Variants in GRIP2 observed in about 807,000 individuals in gnomAD.
GRIP2 encodes glutamate receptor-interacting protein 2.
Under a neutral mutation model 108.3 loss-of-function variants are expected in GRIP2, and 58 were observed. That is an observed-to-expected ratio of 0.54 (90% CI 0.43 to 0.67). The LOEUF (loss-of-function observed/expected upper bound fraction) is 0.67, where lower values mean the gene tolerates loss of function less well. Among genes scored for constraint, GRIP2 ranks in the 30% least tolerant of loss-of-function variants. GRIP2 has a pLI of 0.00. For synonymous variants in GRIP2, 586 were observed against 598.2 expected, an observed-to-expected ratio of 0.98 and a Z score of 0.30; for missense variants, 1,278 against 1,430.6, an observed-to-expected ratio of 0.89 and a Z score of 1.72.
At chr3:14,542,886 G>A (rs540338608), upstream of GRIP2, among the ~76,000 whole-genome samples, 8 of 152,294 alleles carry the variant, frequency 5.3e-5, no homozygotes, top group Admixed American at 2.0e-4. Flanking sequence ...TGGTAAGGAT[G>A]GAGCCAAGTT....
At chr3:14,566,957 T>A in the GRIP2 span, among the ~76,000 whole-genome samples, 70 of 152,302 alleles carry the variant, frequency 4.6e-4, no homozygotes, top group African/African-American at 1.7e-3. Context: ...CCTCCAATAA[T>A]CTGTGAAATG....
At chr3:14,596,931 C>G in the GRIP2 span, among the ~76,000 whole-genome samples, 2 of 152,134 alleles carry the variant, frequency 1.3e-5, no homozygotes, top group African/African-American at 4.8e-5. Flanking sequence ...TTTGTAGAAA[C>G]AAGGTCTTGC....
chr3:14,560,316 A>T (rs1695299783), upstream of GRIP2, among the ~76,000 whole-genome samples: 1 of 152,174 alleles, frequency 6.6e-6, no homozygotes, highest in Non-Finnish European at 1.5e-5. Context: ...TATACAGTCA[A>T]TATGCTTCTC....
upstream of GRIP2, among the ~76,000 whole-genome samples, chr3:14,559,396 A>G (rs1695284816): frequency 6.6e-6 from 1 of 150,562 alleles, no homozygotes; most frequent in African/African-American, 2.4e-5. Flanking sequence ...CTGGTAAATT[A>G]GGAGTGCAGG....
intron 11 of GRIP2, among the ~76,000 whole-genome samples, chr3:14,514,829 T>A (rs900932815): frequency 6.6e-6 from 1 of 152,210 alleles, no homozygotes; most frequent in Non-Finnish European, 1.5e-5. Context: ...TGCTTTTCGG[T>A]AAGAGGTTTA....
chr3:14,515,330 CAT>C (rs556650612), intron 11 of GRIP2, among the ~76,000 whole-genome samples: 8 of 152,316 alleles, frequency 5.3e-5, no homozygotes, highest in Admixed American at 5.2e-4. Context: ...GGAGATGACA[CAT>C]GTTTTCACTT....
At chr3:14,532,871 TTGC>T (rs1694746566) in intron 1 of GRIP2, among the ~76,000 whole-genome samples, 1 of 152,220 alleles carries the variant, frequency 6.6e-6, no homozygotes, top group African/African-American at 2.4e-5. Context: ...TGAGTCAGTG[TTGC>T]TGGTCAACTT....
In GRIP2 at chr3:14,501,766, G is replaced by T. The variant is rs183558730; in HGVS notation, c.2679+1800C>A. 7.2e-5 allele frequency among the ~76,000 whole-genome samples: 11 copies of T among 151,890 alleles called. No homozygotes were observed. In the East Asian group the frequency reaches 2.1e-3, roughly 29 times the overall value. On this transcript the variant is annotated intron_variant, in intron 21 of 23. Transcript: ENST00000621039. ...TTATTACTTATTTTGATTCTACTTT[G>T]CTTATCCAATTTTGCACCATACACA... is the stretch of plus-strand genomic sequence containing the variant.
At chr3:14,574,347 G>A in the GRIP2 span, 1 of 994,436 alleles carries the variant, frequency 1.0e-6, no homozygotes, top group South Asian at 1.3e-5. Context: ...CACCGGCACA[G>A]CGATGCGCTG....
At chr3:14,502,402 G>A (rs1693790553) in intron 21 of GRIP2, among the ~76,000 whole-genome samples, 1 of 151,976 alleles carries the variant, frequency 6.6e-6, no homozygotes, top group Non-Finnish European at 1.5e-5. Flanking sequence ...GCTGAGGCAT[G>A]AGAATCACTT....
At chr3:14,540,405 C>A (rs1404320768), upstream of GRIP2, 1 of 1,606,702 alleles carries the variant, frequency 6.2e-7, no homozygotes, top group Non-Finnish European at 8.5e-7. This position sits in a 1 kb window ranked among gnomAD's most constrained non-coding sequence, Gnocchi z 4.1. Flanking sequence ...GGGAGGGAAG[C>A]TCACAGCTCC....
chr3:14,511,125 G>A lies in GRIP2; in HGVS notation c.1933+40C>T, dbSNP rs1204311849. 3 of 1,609,120 alleles carry A rather than the reference G, an allele frequency of 1.9e-6. No homozygotes were observed. The highest frequency in any genetic ancestry group is 1.7e-5 in the Admixed American group (1 of 59,662). On this transcript the variant is annotated intron_variant, in intron 16 of 23. Coordinates refer to ENST00000621039, the MANE Select transcript of GRIP2 (RefSeq NM_001080423.4). The surrounding 1 kb of genome is among the most constrained non-coding windows in gnomAD (Gnocchi z 4.1). ...AAGCTGGGAACCCGCTAGTCAAAGG[G>A]TGGGCCTCTGGAGGTAGGAGGCCAG...
intron 1 of GRIP2, among the ~76,000 whole-genome samples, chr3:14,527,295 T>A (rs1381367829): frequency 1.3e-5 from 2 of 152,062 alleles, no homozygotes; most frequent in Non-Finnish European, 1.5e-5. Context: ...AGGCATTGCC[T>A]TTCCTAGGCA....
intron 23 of GRIP2, 110 bp from the exon 24 acceptor site, chr3:14,493,936 C>T: frequency 9.4e-7 from 1 of 1,061,884 alleles, no homozygotes; most frequent in Non-Finnish European, 1.3e-6. Context: ...AGCCTTGACG[C>T]AAGCCCTGAC....
Position 14,493,637 on chromosome 3 carries a change from C to T in GRIP2, c.*28G>A. The T allele has an allele frequency of 1.1e-5, 17 of 1,560,440 alleles. No homozygotes were observed. The highest frequency in any genetic ancestry group is 1.5e-5 in the Non-Finnish European group (17 of 1,149,920). Reference sequence around the variant, plus strand: ...GGAGCCAGGATCTGCCTGGGTGGCCCCTTAGGAGTTCGGCCCACATGCTGA... The same window carrying T: ...GGAGCCAGGATCTGCCTGGGTGGCCTCTTAGGAGTTCGGCCCACATGCTGA... On this transcript the variant is annotated 3_prime_UTR_variant, in exon 24 of 24. Coordinates refer to ENST00000621039, the MANE Select transcript of GRIP2 (RefSeq NM_001080423.4).
rs778667167 is a variant in GRIP2 at position 14,493,848 on chromosome 3, G to A, written c.2971-22C>T. ...TGACCTGCATGGGGCACAAGCAAGG[G>A]AACAGAACCGAGATGTCAGCCCTGC... On this transcript the variant is annotated intron_variant, in intron 23 of 23. Coordinates refer to ENST00000621039, the MANE Select transcript of GRIP2 (RefSeq NM_001080423.4). The A allele has an allele frequency of 2.5e-6, 4 of 1,599,218 alleles. No homozygotes were observed. The South Asian group carries it at 4.4e-5, about 18-fold the overall frequency.
Position 14,489,321 on chromosome 3 carries a change from A to G in GRIP2, c.*4344T>C, listed in dbSNP as rs1398076450. The G allele has an allele frequency of 6.6e-6, 1 of 152,632 alleles. No individual in the cohort carries two copies. Among genetic ancestry groups the G allele is most frequent in the African/African-American group, 2.4e-5 (1 of 41,452 alleles). The allele number at this position is 152,632 out of a possible 1,614,324, so 9.5% of individuals were successfully genotyped here. ...GAGTTTGTAATCACCTTATAACATGAAAATAAACATTTCCTTTTTAACATC... is the reference window on the plus strand; with the variant it reads ...GAGTTTGTAATCACCTTATAACATGGAAATAAACATTTCCTTTTTAACATC... On this transcript the variant is annotated 3_prime_UTR_variant, in exon 24 of 24. Coordinates refer to ENST00000621039, the MANE Select transcript of GRIP2 (RefSeq NM_001080423.4).
the GRIP2 span, among the ~76,000 whole-genome samples, chr3:14,577,017 G>A: frequency 1.3e-5 from 2 of 152,286 alleles, no homozygotes; most frequent in South Asian, 2.1e-4. Context: ...TTCTTTGCTC[G>A]TAGCTCCTAC....
rs1405518861 is a variant in GRIP2 at position 14,492,877 on chromosome 3, CCA to C, written c.*786_*787del. On this transcript the variant is annotated 3_prime_UTR_variant, in exon 24 of 24. Transcript: ENST00000621039. ...TAGAGCCTGCCCAATGGGCCCAGAA[CCA>C]CAGTCTCAAGTCCCAGAAGCTTCAG... 2 of 152,242 alleles carry C rather than the reference CCA, an allele frequency of 1.3e-5. No individual in the cohort carries two copies. Among genetic ancestry groups the C allele is most frequent in the South Asian group, 2.1e-4 (1 of 4,832 alleles). 9.4% of individuals were successfully genotyped at this position (152,242 alleles called of 1,614,324 possible). A position where few individuals can be genotyped will look rare whatever the true frequency, so the allele number is the denominator to read the frequency against.
Sources: gnomAD v4.1 joint callset for allele counts (sites outside exome capture counted in the v4.1 genomes callset) on GRCh38, gnomAD v4.1.1 for gene constraint, Gnocchi (gnomAD v3.1) non-coding constraint, MANE v1.5 for transcripts, NCBI Gene and HGNC (gene_info 2026-07-23, HGNC 2026-07-21) for gene names.